NFIA: variants seen among roughly 807,000 people sequenced by gnomAD.
NFIA encodes nuclear factor 1 A-type.
In NFIA, 8 loss-of-function variants were observed where a neutral mutation model predicts 62.8. The observed-to-expected ratio is 0.13, with a 90% confidence interval of 0.07 to 0.23. NFIA has a LOEUF of 0.23. Among genes scored for constraint, NFIA ranks in the 10% least tolerant of loss-of-function variants. The pLI is 1.00. For synonymous variants in NFIA, 235 were observed against 238.1 expected (o/e 0.99, Z 0.12); for missense variants, 410 against 642.1 (o/e 0.64, Z 3.91).
intron 3 of NFIA, among the ~76,000 whole-genome samples, chr1:61,301,145 CT>C (rs1281040080): frequency 1.3e-5 from 2 of 149,970 alleles, no homozygotes; most frequent in Non-Finnish European, 3.0e-5. Context: ...TCACGTAGAA[CT>C]TCAGCAGGAG....
chr1:61,239,169 G>A (rs1176463644), intron 2 of NFIA, among the ~76,000 whole-genome samples: 1 of 152,100 alleles, frequency 6.6e-6, no homozygotes, highest in Non-Finnish European at 1.5e-5. Context: ...AATTTTAAAT[G>A]TATCCATTTG....
intron 2 of NFIA, among the ~76,000 whole-genome samples, chr1:61,193,501 AG>A (rs1355099353): frequency 6.6e-6 from 1 of 152,232 alleles, no homozygotes; most frequent in East Asian, 1.9e-4. Flanking sequence ...CTCCTGAATT[AG>A]GTGAAACAAA....
At chr1:61,166,178 A>C (rs1273917858) in intron 2 of NFIA, among the ~76,000 whole-genome samples, 1 of 152,214 alleles carries the variant, frequency 6.6e-6, no homozygotes. Flanking sequence ...AAGAGTAGGG[A>C]AACCTATTTG....
intron 2 of NFIA, among the ~76,000 whole-genome samples, chr1:61,248,125 A>G (rs1166722254): frequency 6.6e-6 from 1 of 152,192 alleles, no homozygotes; most frequent in African/African-American, 2.4e-5. Flanking sequence ...AACTAGGTGC[A>G]GGGAAAAAAA....
chr1:61,262,394 A>G (rs1391054433), intron 2 of NFIA, among the ~76,000 whole-genome samples: 1 of 152,216 alleles, frequency 6.6e-6, no homozygotes, highest in Non-Finnish European at 1.5e-5. Flanking sequence ...TGTTTTGCCT[A>G]ACGTTTTTAA....
chr1:61,226,886 C>T (rs1459402319), intron 2 of NFIA, among the ~76,000 whole-genome samples: 3 of 152,210 alleles, frequency 2.0e-5, no homozygotes, highest in African/African-American at 4.8e-5. Flanking sequence ...GCCATTCCGA[C>T]CAGCCAGCTT....
At chr1:61,190,438 G>A (rs549573486) in intron 2 of NFIA, among the ~76,000 whole-genome samples, 3 of 152,352 alleles carry the variant, frequency 2.0e-5, no homozygotes, top group Non-Finnish European at 2.9e-5. Context: ...TTGTGCTGCT[G>A]TAAGAATTGG....
At chr1:61,084,495 T>G (rs2100407636) in intron 1 of NFIA, among the ~76,000 whole-genome samples, 1 of 152,282 alleles carries the variant, frequency 6.6e-6, no homozygotes, top group East Asian at 1.9e-4. Flanking sequence ...GAATGAAACT[T>G]TTCCAACCAC....
At chr1:61,086,037 A>G (rs1646212973) in intron 1 of NFIA, among the ~76,000 whole-genome samples, 1 of 152,168 alleles carries the variant, frequency 6.6e-6, no homozygotes, top group Non-Finnish European at 1.5e-5. Context: ...AAACTTTTAA[A>G]TAAGATAACA....
chr1:61,352,113 T>C (rs980279626), intron 4 of NFIA, among the ~76,000 whole-genome samples: 2 of 152,178 alleles, frequency 1.3e-5, no homozygotes, highest in African/African-American at 4.8e-5. Context: ...GTTAGAAAAG[T>C]CTAAAGAGTG....
At chr1:61,323,443 T>C (rs1267294458) in intron 3 of NFIA, among the ~76,000 whole-genome samples, 5 of 152,234 alleles carry the variant, frequency 3.3e-5, no homozygotes, top group African/African-American at 9.6e-5. Flanking sequence ...ATCATAAAGG[T>C]TAATCTCACA....
intron 2 of NFIA, among the ~76,000 whole-genome samples, chr1:61,177,505 A>G (rs1248886011): frequency 6.6e-6 from 1 of 152,178 alleles, no homozygotes; most frequent in Non-Finnish European, 1.5e-5. Context: ...TAATGCTTAA[A>G]ACTTGAGCTA....
At chr1:61,260,916 T>C (rs1362632491) in intron 2 of NFIA, among the ~76,000 whole-genome samples, 1 of 152,230 alleles carries the variant, frequency 6.6e-6, no homozygotes, top group Non-Finnish European at 1.5e-5. Context: ...CCTTGGTTGC[T>C]GAATGATTTG....
At chr1:61,286,385 G>T (rs942547248) in intron 3 of NFIA, among the ~76,000 whole-genome samples, 29 of 145,406 alleles carry the variant, frequency 2.0e-4, no homozygotes, top group Non-Finnish European at 1.5e-5. Flanking sequence ...CAGAGATTGC[G>T]CCACTGCACT....
chr1:61,196,196 G>A (rs909625517), intron 2 of NFIA, among the ~76,000 whole-genome samples: 2 of 152,130 alleles, frequency 1.3e-5, no homozygotes, highest in Non-Finnish European at 2.9e-5. Flanking sequence ...TATAGCTTTA[G>A]TGTGCTACTG....
At chr1:61,287,057 A>G (rs1658548906) in intron 3 of NFIA, among the ~76,000 whole-genome samples, 1 of 152,196 alleles carries the variant, frequency 6.6e-6, no homozygotes, top group African/African-American at 2.4e-5. Context: ...AGGAAAAGAT[A>G]TGGCACATCC....
At chr1:61,308,411 C>T (rs999769732) in intron 3 of NFIA, among the ~76,000 whole-genome samples, 3 of 152,126 alleles carry the variant, frequency 2.0e-5, no homozygotes, top group African/African-American at 7.2e-5. Context: ...AGTGTTACAC[C>T]ATAGGAAAGA....
intron 2 of NFIA, among the ~76,000 whole-genome samples, chr1:61,253,971 T>C (rs1354681055): frequency 1.3e-5 from 2 of 152,236 alleles, no homozygotes; most frequent in African/African-American, 4.8e-5. Context: ...TTTGGATTTC[T>C]TCTATTTTGT....
intron 2 of NFIA, among the ~76,000 whole-genome samples, chr1:61,146,580 C>A (rs576243783): frequency 6.6e-6 from 1 of 152,188 alleles, no homozygotes; most frequent in Non-Finnish European, 1.5e-5. Context: ...AACCCCTCCT[C>A]CAAGGAGCCT....
Sources: gnomAD v4.1 joint callset for allele counts (sites outside exome capture counted in the v4.1 genomes callset) on GRCh38, gnomAD v4.1.1 for gene constraint, MANE v1.5 for transcripts, NCBI Gene and HGNC (gene_info 2026-07-23, HGNC 2026-07-21) for gene names.